The following FRAS1 variants were observed in gnomAD, a reference collection of about 807,000 sequenced individuals.
FRAS1 encodes extracellular matrix organizing protein FRAS1.
FRAS1 carries 290 observed loss-of-function variants against 435.2 expected under a neutral mutation model. The ratio of observed to expected loss-of-function variants is 0.67; its 90% CI spans 0.61 to 0.73. FRAS1 has a LOEUF of 0.73. Among genes scored for constraint, FRAS1 ranks in the 30% least tolerant of loss-of-function variants. FRAS1 has a pLI of 0.00. For synonymous variants in FRAS1, 1,800 were observed against 1,851.0 expected, an observed-to-expected ratio of 0.97 and a Z score of 0.71; for missense variants, 4,860 against 5,001.5, an observed-to-expected ratio of 0.97 and a Z score of 0.85.
At chr4:78,097,551 G>A (rs1435488098) in intron 2 of FRAS1, among the ~76,000 whole-genome samples, 1 of 152,194 alleles carries the variant, frequency 6.6e-6, no homozygotes, top group East Asian at 1.9e-4. Context: ...ATGGTGGAAG[G>A]CAAGGATGAG....
rs144137026 is a variant in FRAS1 at position 78,372,597 on chromosome 4, G to T, written c.2870-121G>T. The stretch of plus-strand genomic sequence containing the variant: ...AAACCTCATTTGAGCCTACTTATCT[G>T]ACATCTCTTACGTTGTCCTTATTTT... On this transcript the variant is annotated intron_variant, in intron 23 of 73. Transcript: ENST00000512123. 1.0e-5 allele frequency: 12 copies of T among 1,190,568 alleles called. No individual in the cohort carries two copies. In the East Asian group the frequency reaches 2.6e-4, roughly 25 times the overall value. 73.8% of individuals were successfully genotyped at this position (1,190,568 alleles called of 1,614,324 possible). A position where few individuals can be genotyped will look rare whatever the true frequency, so the allele number is the denominator to read the frequency against.
chr4:78,261,615 C>T (rs765114208), intron 6 of FRAS1, among the ~76,000 whole-genome samples: 1 of 151,994 alleles, frequency 6.6e-6, no homozygotes, highest in African/African-American at 2.4e-5. Context: ...TGTCCTTACA[C>T]CCATACAAAA....
intron 73 of FRAS1, among the ~76,000 whole-genome samples, chr4:78,539,855 T>G (rs566369741): frequency 7.2e-5 from 11 of 152,240 alleles, no homozygotes; most frequent in Non-Finnish European, 1.6e-4. Context: ...ACAAATACCT[T>G]AAGTCTTAGC....
chr4:78,510,038 C>T (rs547802505), intron 63 of FRAS1, among the ~76,000 whole-genome samples: 21 of 152,302 alleles, frequency 1.4e-4, no homozygotes, highest in Middle Eastern at 3.4e-3. Context: ...CTCTTTGGCA[C>T]AGCTTATTCA....
intron 47 of FRAS1, among the ~76,000 whole-genome samples, chr4:78,458,178 C>T (rs1006429654): frequency 6.6e-6 from 1 of 152,208 alleles, no homozygotes; most frequent in Non-Finnish European, 1.5e-5. Context: ...TAAACCTCTT[C>T]AGTTGTGCAT....
At chr4:78,104,328 C>T (rs755106987) in intron 2 of FRAS1, among the ~76,000 whole-genome samples, 20 of 152,172 alleles carry the variant, frequency 1.3e-4, no homozygotes, top group Non-Finnish European at 2.8e-4. Flanking sequence ...TTTAAAAATA[C>T]TTAATATAAA....
At chr4:78,233,995 G>C (rs1420432050) in intron 2 of FRAS1, among the ~76,000 whole-genome samples, 1 of 152,202 alleles carries the variant, frequency 6.6e-6, no homozygotes, top group Non-Finnish European at 1.5e-5. Flanking sequence ...GGTGGGAAAA[G>C]CCACCCTCCC....
chr4:78,305,728 T>C (rs966446412), intron 14 of FRAS1, among the ~76,000 whole-genome samples: 4 of 152,058 alleles, frequency 2.6e-5, no homozygotes, highest in African/African-American at 9.7e-5. Flanking sequence ...GATCTTTCTC[T>C]ATCCTTTTAT....
chr4:78,182,907 A>C, intron 2 of FRAS1, among the ~76,000 whole-genome samples: 1 of 139,756 alleles, frequency 7.2e-6, no homozygotes. Context: ...AAAAAAAAAA[A>C]TGCCCAGAGG....
chr4:78,476,904 T>C (rs1719867919), intron 54 of FRAS1, among the ~76,000 whole-genome samples: 2 of 152,162 alleles, frequency 1.3e-5, no homozygotes, highest in South Asian at 2.1e-4. Context: ...ACACAAAGTA[T>C]AGTCCAGGCT....
Position 78,063,773 on chromosome 4 carries a change from G to A in FRAS1, c.77-2212G>A, listed in dbSNP as rs971571523. On this transcript the variant is annotated intron_variant, in intron 1 of 73. Coordinates refer to ENST00000512123, the MANE Select transcript of FRAS1 (RefSeq NM_025074.7). ...TTTGAAAAGAAATTGACTTTGGAAG[G>A]TAATGCTGTGGAGAGCAATAAAATT... 3.9e-5 allele frequency among the ~76,000 whole-genome samples: 6 copies of A among 152,260 alleles called. No homozygotes were observed. The Middle Eastern group carries it at 0.01, about 259-fold the overall frequency.
chr4:78,101,762 A>G (rs576991806), intron 2 of FRAS1, among the ~76,000 whole-genome samples: 1 of 152,316 alleles, frequency 6.6e-6, no homozygotes, highest in South Asian at 2.1e-4. Flanking sequence ...AAGATGGCAG[A>G]ATGAGGAGAA....
chr4:78,121,042 C>G (rs1341643354), intron 2 of FRAS1, among the ~76,000 whole-genome samples: 1 of 152,178 alleles, frequency 6.6e-6, no homozygotes, highest in Non-Finnish European at 1.5e-5. Flanking sequence ...TACTTTAGCA[C>G]TTTACCTCTC....
At chr4:78,468,044 G>C (rs1719588332) in intron 50 of FRAS1, among the ~76,000 whole-genome samples, 1 of 152,082 alleles carries the variant, frequency 6.6e-6, no homozygotes, top group Non-Finnish European at 1.5e-5. Flanking sequence ...TGTGTTGATT[G>C]TTTTCTTTGC....
intron 2 of FRAS1, among the ~76,000 whole-genome samples, chr4:78,119,889 A>G (rs1320884423): frequency 6.6e-6 from 1 of 152,160 alleles, no homozygotes; most frequent in African/African-American, 2.4e-5. Flanking sequence ...AGCTGGTGTA[A>G]TTGGGTGGTT....
chr4:78,122,148 C>T (rs1719068544), intron 2 of FRAS1, among the ~76,000 whole-genome samples: 1 of 152,050 alleles, frequency 6.6e-6, no homozygotes, highest in Non-Finnish European at 1.5e-5. Flanking sequence ...CCCCACAGGC[C>T]CCAGTGTGTG....
chr4:78,141,203 A>G (rs1720167541), intron 2 of FRAS1, among the ~76,000 whole-genome samples: 1 of 151,582 alleles, frequency 6.6e-6, no homozygotes, highest in Non-Finnish European at 1.5e-5. Flanking sequence ...CTAGCCCCCA[A>G]CCCCCTGACA....
At chr4:78,077,306 G>T (rs1172762917) in intron 2 of FRAS1, among the ~76,000 whole-genome samples, 1 of 152,102 alleles carries the variant, frequency 6.6e-6, no homozygotes, top group African/African-American at 2.4e-5. Flanking sequence ...GGAAGTCAAG[G>T]CTTCAGTGAG....
chr4:78,249,224 C>G (rs898180354), intron 4 of FRAS1, among the ~76,000 whole-genome samples: 2 of 149,024 alleles, frequency 1.3e-5, no homozygotes, highest in Admixed American at 1.3e-4. Context: ...GGTGACTTGT[C>G]TCCTGGAGAG....
Sources: gnomAD v4.1 joint callset for allele counts (sites outside exome capture counted in the v4.1 genomes callset) on GRCh38, gnomAD v4.1.1 for gene constraint, MANE v1.5 for transcripts, NCBI Gene and HGNC (gene_info 2026-07-23, HGNC 2026-07-21) for gene names.